The following MVB12B variants were observed in gnomAD, a reference collection of about 807,000 sequenced individuals.
MVB12B encodes the protein ESCRT-I complex subunit MVB12B.
A neutral mutation model predicts 41.6 loss-of-function variants in MVB12B; 16 were observed. The observed-to-expected ratio is 0.38, with a 90% CI of 0.26 to 0.58. The LOEUF (loss-of-function observed/expected upper bound fraction) is 0.58, where lower values mean the gene tolerates loss of function less well. Among genes scored for constraint, MVB12B ranks in the 20% least tolerant of loss-of-function variants. The pLI, the probability that MVB12B is intolerant of heterozygous loss-of-function variation, is 0.62. For synonymous variants in MVB12B, 133 were observed against 139.7 expected (o/e 0.95, Z 0.34); for missense variants, 274 against 380.2 (o/e 0.72, Z 2.32).
chr9:126,348,026 G>T (rs1829646121), intron 2 of MVB12B, among the ~76,000 whole-genome samples: 1 of 152,210 alleles, frequency 6.6e-6, no homozygotes, highest in Non-Finnish European at 1.5e-5. Flanking sequence ...GCTTGTTCTT[G>T]CTGTCCCAGC....
intron 1 of MVB12B, among the ~76,000 whole-genome samples, chr9:126,330,346 A>G (rs1829097099): frequency 1.3e-5 from 2 of 152,206 alleles, no homozygotes; most frequent in East Asian, 3.9e-4. Flanking sequence ...CTTAAAAAAA[A>G]CAGATTCTAA....
chr9:126,455,075 C>T (rs889659970), intron 7 of MVB12B, among the ~76,000 whole-genome samples: 7 of 152,220 alleles, frequency 4.6e-5, no homozygotes, highest in Non-Finnish European at 1.0e-4. Context: ...TTCTAGGCCC[C>T]TTAAAGGTGA....
At chr9:126,346,364 A>G (rs544973189) in intron 2 of MVB12B, among the ~76,000 whole-genome samples, 124 of 152,174 alleles carry the variant, frequency 8.1e-4, no homozygotes, top group African/African-American at 2.9e-3. Flanking sequence ...AATGGGTTGA[A>G]TGTTGGGAGG....
intron 2 of MVB12B, among the ~76,000 whole-genome samples, chr9:126,346,517 T>G (rs1409919634): frequency 6.6e-6 from 1 of 152,016 alleles, no homozygotes; most frequent in African/African-American, 2.4e-5. Context: ...TGGGTCAGTT[T>G]TGAACACCTT....
chr9:126,446,314 A>AT (rs1465964658), intron 7 of MVB12B, among the ~76,000 whole-genome samples: 1 of 152,036 alleles, frequency 6.6e-6, no homozygotes, highest in Non-Finnish European at 1.5e-5. Context: ...ATCAATCTTT[A>AT]TTATGGTGCA....
Position 126,391,124 on chromosome 9 carries a change from A to G in MVB12B, c.410-942A>G, listed in dbSNP as rs1830938572. Among the ~76,000 whole-genome samples, 1 of 152,236 alleles carries G rather than the reference A, an allele frequency of 6.6e-6. No homozygotes were observed. The highest frequency in any genetic ancestry group is 1.9e-4 in the East Asian group (1 of 5,198). Reference sequence around the variant, plus strand: ...TCCTGGGCCGACGCCAGCAGAGCTCAGCAAGAATGGCCCAGCCAGACTCTG... The same window carrying G: ...TCCTGGGCCGACGCCAGCAGAGCTCGGCAAGAATGGCCCAGCCAGACTCTG... On this transcript the variant is annotated intron_variant, in intron 4 of 9. Coordinates refer to ENST00000361171, the MANE Select transcript of MVB12B (RefSeq NM_033446.3). The surrounding 1 kb of genome is among the most constrained non-coding windows in gnomAD (Gnocchi z 4.4).
intron 6 of MVB12B, among the ~76,000 whole-genome samples, chr9:126,410,858 C>G (rs1331013775): frequency 6.6e-6 from 1 of 151,338 alleles, no homozygotes; most frequent in Non-Finnish European, 1.5e-5. Context: ...GTAGTAGACT[C>G]TCAACAGATG....
rs540310864 is a variant in MVB12B, at chr9:126,333,321, G to C, written c.81+6311G>C. On this transcript the variant is annotated intron_variant, in intron 1 of 9. Coordinates refer to ENST00000361171, the MANE Select transcript of MVB12B (RefSeq NM_033446.3). The surrounding 1 kb of genome is among the most constrained non-coding windows in gnomAD (Gnocchi z 4.7). ...AGGCTGGTCTCGAACTCCTGACCTT[G>C]TGATCTGTCCGCCTCGGACTCCCAA... 5.4e-4 allele frequency among the ~76,000 whole-genome samples: 82 copies of C among 151,622 alleles called. No homozygotes were observed. Among genetic ancestry groups the C allele is most frequent in the Non-Finnish European group, 1.1e-3 (73 of 67,876 alleles).
In MVB12B at chr9:126,502,544, A is replaced by G. The variant is rs10116709; in HGVS notation, c.874-633A>G. On this transcript the variant is annotated intron_variant, in intron 9 of 9. Transcript: ENST00000361171. ...CTGAGCCGTGGAGGAAGGTCCCCCC[A>G]CCGGGCAGCTGCCCTGGCCCCGCTG... Among the ~76,000 whole-genome samples the G allele has an allele frequency of 6.3e-3, 923 of 146,790 alleles. 11 individuals carry two copies. Among genetic ancestry groups the G allele is most frequent in the Middle Eastern group, 0.022 (6 of 278 alleles).
intron 7 of MVB12B, among the ~76,000 whole-genome samples, chr9:126,432,338 T>C (rs78315199): frequency 2.0e-3 from 310 of 152,358 alleles, no homozygotes; most frequent in African/African-American, 6.8e-3. Context: ...AGGTTTACTC[T>C]GGAGTGAATG....
intron 7 of MVB12B, among the ~76,000 whole-genome samples, chr9:126,449,442 C>T (rs945583516): frequency 2.6e-5 from 4 of 152,212 alleles, no homozygotes; most frequent in African/African-American, 9.6e-5. Context: ...CCCTGGCTTC[C>T]TGTCATTAAT....
intron 7 of MVB12B, among the ~76,000 whole-genome samples, chr9:126,449,473 C>T (rs982213046): frequency 2.6e-5 from 4 of 152,074 alleles, no homozygotes; most frequent in African/African-American, 9.7e-5. Context: ...ATGAGAGTGA[C>T]CCCCCACAGC....
At chr9:126,460,739 C>T (rs2119175515) in intron 7 of MVB12B, among the ~76,000 whole-genome samples, 1 of 152,130 alleles carries the variant, frequency 6.6e-6, no homozygotes, top group Admixed American at 6.5e-5. Context: ...AGAGTGATGG[C>T]CAGATGGAAT....
chr9:126,438,929 C>G (rs1237031157), intron 7 of MVB12B, among the ~76,000 whole-genome samples: 1 of 152,036 alleles, frequency 6.6e-6, no homozygotes, highest in South Asian at 2.1e-4. Flanking sequence ...GTATGATACT[C>G]GATCGCTGCA....
chr9:126,376,536 C>T lies in MVB12B; in HGVS notation c.205-4528C>T, dbSNP rs1021776553. ...AGTGGGGCGACGAGCAGGGAGCTGG[C>T]TCAGATCGTGGGCTGGTCCACCCTG... On this transcript the variant is annotated intron_variant, in intron 2 of 9. Transcript: ENST00000361171. This position sits in a 1 kb window ranked among gnomAD's most constrained non-coding sequence, Gnocchi z 4.1. 1.6e-6 allele frequency: 2 copies of T among 1,289,324 alleles called. No individual in the cohort carries two copies. The highest frequency in any genetic ancestry group is 2.3e-5 in the Admixed American group (1 of 43,562). 79.9% of individuals were successfully genotyped at this position (1,289,324 alleles called of 1,614,324 possible). A position where few individuals can be genotyped will look rare whatever the true frequency, so the allele number is the denominator to read the frequency against.
intron 7 of MVB12B, among the ~76,000 whole-genome samples, chr9:126,455,815 C>A (rs1425100198): frequency 6.6e-6 from 1 of 152,008 alleles, no homozygotes; most frequent in African/African-American, 2.4e-5. Flanking sequence ...CTCTAATGCT[C>A]CCTGTTACAG....
At chr9:126,455,887 C>CTTTTTTTTTTTT (rs3983803) in intron 7 of MVB12B, among the ~76,000 whole-genome samples, 53 of 103,032 alleles carry the variant, frequency 5.1e-4, no homozygotes, top group South Asian at 7.0e-4. Context: ...TTCTTTCTTT[C>CTTTTTTTTTTTT]TTTTTTTTTT....
intron 6 of MVB12B, among the ~76,000 whole-genome samples, chr9:126,420,061 G>A (rs1053869602): frequency 6.6e-6 from 1 of 152,194 alleles, no homozygotes; most frequent in African/African-American, 2.4e-5. Context: ...TGACTCCCTG[G>A]TGGGTGCCTT....
At chr9:126,462,008 C>T (rs1265449249) in intron 7 of MVB12B, among the ~76,000 whole-genome samples, 1 of 152,222 alleles carries the variant, frequency 6.6e-6, no homozygotes, top group Non-Finnish European at 1.5e-5. Flanking sequence ...TTTATGCTCC[C>T]ATCACTCACG....
Sources: allele counts gnomAD v4.1 joint callset (sites outside exome capture counted in the v4.1 genomes callset), GRCh38; gene constraint gnomAD v4.1.1; non-coding constraint Gnocchi (gnomAD v3.1); transcripts MANE v1.5; gene names NCBI Gene and HGNC (gene_info 2026-07-23, HGNC 2026-07-21).